ABLIM1: variants seen among roughly 807,000 people sequenced by gnomAD.
ABLIM1 encodes actin-binding LIM protein 1.
Under a neutral mutation model 107.0 loss-of-function variants are expected in ABLIM1, and 40 were observed. The observed-to-expected ratio is 0.37, with a 90% CI of 0.29 to 0.49. ABLIM1 has a LOEUF of 0.49. ABLIM1 is among the 20% of genes least tolerant of loss of function. ABLIM1 has a pLI of 0.97. For missense variants in ABLIM1, 857 were observed against 1,008.5 expected (o/e 0.85, Z 2.04); for synonymous variants, 357 against 357.3 (o/e 1.00, Z 0.01).
intron 3 of ABLIM1, among the ~76,000 whole-genome samples, chr10:114,574,846 A>G (rs2072267315): frequency 6.6e-6 from 1 of 152,104 alleles, no homozygotes; most frequent in African/African-American, 2.4e-5. Flanking sequence ...CCCAAAGATG[A>G]GATTGTAAAT....
At chr10:114,554,651 AC>A (rs1181730489) in intron 4 of ABLIM1, among the ~76,000 whole-genome samples, 2 of 152,148 alleles carry the variant, frequency 1.3e-5, no homozygotes, top group Non-Finnish European at 2.9e-5. Context: ...AGCTATAATC[AC>A]GCTATTGCAC....
chr10:114,532,261 T>C (rs879620617), intron 6 of ABLIM1, among the ~76,000 whole-genome samples: 3 of 152,232 alleles, frequency 2.0e-5, no homozygotes, highest in African/African-American at 7.2e-5. Flanking sequence ...ACATAGTTCA[T>C]GAAGAGTTTT....
In ABLIM1 at chr10:114,557,778, G is replaced by A. The variant is rs2138130814; in HGVS notation, c.674-10002C>T. On this transcript the variant is annotated intron_variant, in intron 4 of 22. Transcript: ENST00000533213. ...GCAAACTCCCCTTAAAATGTAACAA[G>A]GCCCAAAAATAATTGTTTTATCTGA... 1.4e-5 allele frequency among the ~76,000 whole-genome samples: 2 copies of A among 139,174 alleles called. 1 individual carries two copies. The highest frequency in any genetic ancestry group is 1.5e-4 in the Admixed American group (2 of 12,932). 91.3% of individuals were successfully genotyped at this position (139,174 alleles called of 152,430 possible).
intron 6 of ABLIM1, among the ~76,000 whole-genome samples, chr10:114,506,009 T>A (rs2061080471): frequency 6.6e-6 from 1 of 152,136 alleles, no homozygotes; most frequent in Non-Finnish European, 1.5e-5. Flanking sequence ...TCAACCCACT[T>A]CCCCTGTCAC....
chr10:114,545,456 T>A (rs1017647260), intron 5 of ABLIM1, among the ~76,000 whole-genome samples: 1 of 152,126 alleles, frequency 6.6e-6, no homozygotes, highest in South Asian at 2.1e-4. Flanking sequence ...TGAGCCCACA[T>A]AACAATAATT....
At chr10:114,580,552 C>T (rs1448385039) in intron 2 of ABLIM1, among the ~76,000 whole-genome samples, 1 of 152,182 alleles carries the variant, frequency 6.6e-6, no homozygotes, top group African/African-American at 2.4e-5. Context: ...CTTTAACATC[C>T]TGCTGGTTCT....
At chr10:114,588,711 G>T (rs1199293508) in intron 2 of ABLIM1, among the ~76,000 whole-genome samples, 2 of 151,708 alleles carry the variant, frequency 1.3e-5, no homozygotes, top group Non-Finnish European at 2.9e-5. Context: ...CATCATGTTG[G>T]CCAGGCTGGT....
intron 4 of ABLIM1, among the ~76,000 whole-genome samples, chr10:114,554,957 A>G (rs1240626790): frequency 3.9e-5 from 6 of 152,132 alleles, no homozygotes; most frequent in African/African-American, 1.4e-4. Flanking sequence ...CTGTAAAATG[A>G]GTAGGTTAGC....
intron 4 of ABLIM1, among the ~76,000 whole-genome samples, chr10:114,563,304 C>T (rs2070066807): frequency 6.6e-6 from 1 of 152,116 alleles, no homozygotes; most frequent in Non-Finnish European, 1.5e-5. Context: ...CTGTAATTAG[C>T]CCTGTCTAGA....
intron 1 of ABLIM1, among the ~76,000 whole-genome samples, chr10:114,677,243 G>A (rs2080526753): frequency 1.3e-5 from 2 of 152,072 alleles, no homozygotes; most frequent in African/African-American, 4.8e-5. Context: ...CACATAGTAG[G>A]AGCTCAGTAT....
At chr10:114,668,196 C>T (rs1327936315) in intron 1 of ABLIM1, among the ~76,000 whole-genome samples, 1 of 152,100 alleles carries the variant, frequency 6.6e-6, no homozygotes. Context: ...AACTATCCAT[C>T]AGCATTTGAG....
intron 6 of ABLIM1, among the ~76,000 whole-genome samples, chr10:114,522,554 C>T (rs1279668099): frequency 6.6e-6 from 1 of 152,132 alleles, no homozygotes; most frequent in Non-Finnish European, 1.5e-5. Context: ...AGAACCAAGA[C>T]AATCTAGTAA....
chr10:114,512,272 A>C (rs557319785), intron 6 of ABLIM1, among the ~76,000 whole-genome samples: 1 of 152,360 alleles, frequency 6.6e-6, no homozygotes, highest in East Asian at 1.9e-4. Context: ...TGCAATGTGC[A>C]CTCACGGAGT....
Position 114,571,367 on chromosome 10 carries a change from C to T in ABLIM1, c.603G>A (p.Gly201=), listed in dbSNP as rs151191736. 1.9e-6 allele frequency: 3 copies of T among 1,614,080 alleles called. No homozygotes were observed. In the African/African-American group the frequency reaches 4.0e-5, roughly 22 times the overall value. ...CACAGAGTTGACAAAGGCAGTCTCT[C>T]CCATTGAATGTGACTCGGTCTCCGG... ...FPPGDRVTFN[G]RDCLCQLCAQ... Residue 201 remains glycine, a synonymous_variant, in exon 4 of 23, where the codon GGG becomes GGA. Coordinates refer to ENST00000533213, the MANE Select transcript of ABLIM1 (RefSeq NM_002313.7).
At chr10:114,485,401 A>T in intron 8 of ABLIM1, 1 of 1,595,736 alleles carries the variant, frequency 6.3e-7, no homozygotes, top group African/African-American at 1.3e-5. Context: ...ACATGAGAAA[A>T]GGGAAGAACG....
chr10:114,504,056 C>T (rs1401255516), intron 6 of ABLIM1, among the ~76,000 whole-genome samples: 3 of 152,188 alleles, frequency 2.0e-5, no homozygotes, highest in Non-Finnish European at 4.4e-5. Context: ...TCAAAATTGG[C>T]TTCTTCTAGT....
chr10:114,616,706 T>C (rs1459395144), intron 1 of ABLIM1, among the ~76,000 whole-genome samples: 1 of 152,168 alleles, frequency 6.6e-6, no homozygotes, highest in African/African-American at 2.4e-5. Flanking sequence ...CTCAAACTAA[T>C]CTGTTACTAA....
intron 11 of ABLIM1, 122 bp from the exon 12 acceptor site, chr10:114,465,949 T>A: frequency 1.7e-6 from 2 of 1,143,650 alleles, no homozygotes; most frequent in Non-Finnish European, 2.4e-6. Flanking sequence ...ATATATGCAC[T>A]TATTTTTATG....
At chr10:114,732,979 T>G (rs1361500668) in intron 1 of ABLIM1, among the ~76,000 whole-genome samples, 1 of 152,238 alleles carries the variant, frequency 6.6e-6, no homozygotes, top group Non-Finnish European at 1.5e-5. Flanking sequence ...TATTATTATG[T>G]CCATCTAGCG....
Sources: allele counts gnomAD v4.1 joint callset (sites outside exome capture counted in the v4.1 genomes callset), GRCh38; gene constraint gnomAD v4.1.1; transcripts MANE v1.5; gene names NCBI Gene and HGNC (gene_info 2026-07-23, HGNC 2026-07-21).